Variants in AIRE observed in about 807,000 individuals in gnomAD.
AIRE encodes the protein autoimmune regulator, also known as autoimmune polyendocrinopathy candidiasis ectodermal dystrophy protein.
A neutral mutation model predicts 62.1 loss-of-function variants in AIRE; 52 were observed. That is an observed-to-expected ratio of 0.84 (90% CI 0.67 to 1.06). The LOEUF (loss-of-function observed/expected upper bound fraction) is 1.06. AIRE is among the 50% of genes least tolerant of loss of function. The probability of loss-of-function intolerance (pLI) is 0.00; values close to 1 mark genes in which losing one functional copy is unlikely to be tolerated. For missense variants in AIRE, 774 were observed against 755.8 expected, an observed-to-expected ratio of 1.02 and a Z score of -0.28; for synonymous variants, 342 against 321.6, an observed-to-expected ratio of 1.06 and a Z score of -0.68.
At chr21:44,292,640 C>T (rs750231309) in intron 9 of AIRE, among the ~76,000 whole-genome samples, 11 of 152,154 alleles carry the variant, frequency 7.2e-5, no homozygotes, top group East Asian at 1.9e-4. Context: ...GGGTCCACCC[C>T]GGGGGGCACT....
Position 44,287,397 on chromosome 21 carries a change from G to A in AIRE, c.464-120G>A. 1.3e-6 allele frequency: 1 copy of A among 754,898 alleles called. No individual in the cohort carries two copies. Among genetic ancestry groups the A allele is most frequent in the Non-Finnish European group, 2.2e-6 (1 of 449,544 alleles). 46.8% of individuals were successfully genotyped at this position (754,898 alleles called of 1,614,324 possible). A position where few individuals can be genotyped will look rare whatever the true frequency, so the allele number is the denominator to read the frequency against. On this transcript the variant is annotated intron_variant, in intron 3 of 13. Transcript: ENST00000291582. This position sits in a 1 kb window ranked among gnomAD's most constrained non-coding sequence, Gnocchi z 4.3. ...TTTACTGATGAGAAACCAGAGCCCGGCAAAGGGACTACCCAGCACTGGACC... is the reference window on the plus strand; with the variant it reads ...TTTACTGATGAGAAACCAGAGCCCGACAAAGGGACTACCCAGCACTGGACC...
intron 7 of AIRE, 81 bp from the exon 8 acceptor site, chr21:44,291,014 A>T (rs1174456643): frequency 6.2e-7 from 1 of 1,613,032 alleles, no homozygotes; most frequent in East Asian, 2.2e-5. Flanking sequence ...CTGCTGGGGG[A>T]GCTGTTTTGG....
rs751968210 is a variant in AIRE, at chr21:44,296,400, C to G, written c.1521C>G (p.His507Gln). 9 of 1,612,552 alleles carry G rather than the reference C, an allele frequency of 5.6e-6. No individual in the cohort carries two copies. The South Asian group carries it at 8.8e-5, about 16-fold the overall frequency. Residue 507 changes from histidine to glutamine, a missense_variant, in exon 13 of 14, where the codon CAC becomes CAG. Transcript: ENST00000291582. Reference sequence around the variant, plus strand: ...GGTTCCAGGATGACACTGCCAGTCACGAGCCCGCTCTGCACAGGGATGACC... The same window carrying G: ...GGTTCCAGGATGACACTGCCAGTCAGGAGCCCGCTCTGCACAGGGATGACC... ...PGPAKDDTAS[H>Q]EPALHRDDLE...
rs769454980 is a variant in AIRE, at chr21:44,290,032, C to T, written c.843C>T (p.Ala281=). 1.2e-5 allele frequency: 19 copies of T among 1,611,856 alleles called. No homozygotes were observed. Among genetic ancestry groups the T allele is most frequent in the Non-Finnish European group, 1.5e-5 (18 of 1,179,720 alleles). Residue 281 remains alanine (A), a synonymous_variant, in exon 7 of 14, where the codon GCC becomes GCT. Transcript: ENST00000291582. ...TGGGCCAGCAGGGCAGCGTTCCCGC[C>T]CCTCTGGCCCTCCCCAGTGACCCCC... ...ARLGQQGSVP[A]PLALPSDPQL...
rs759203576 is a variant in AIRE, at chr21:44,289,743, CGCA to C, written c.747_749del (p.Ser250del). On this transcript the variant is annotated inframe_deletion, in exon 6 of 14. Coordinates refer to ENST00000291582, the MANE Select transcript of AIRE (RefSeq NM_000383.4). ...CTCCGGCAGTGGGAAGAACAAGGCC[CGCA>C]GCAGCAGTGGCCCGAAGCCTCTGGT... 6.2e-7 allele frequency: 1 copy of C among 1,612,836 alleles called. No homozygotes were observed. The highest frequency in any genetic ancestry group is 2.2e-5 in the East Asian group (1 of 44,890).
rs991668836 is a variant in AIRE, at chr21:44,290,213, T to C, written c.879+145T>C. 6.7e-6 allele frequency: 10 copies of C among 1,491,164 alleles called. No individual in the cohort carries two copies. The South Asian group carries it at 7.9e-5, about 12-fold the overall frequency. 92.4% of individuals were successfully genotyped at this position (1,491,164 alleles called of 1,614,324 possible). A position where few individuals can be genotyped will look rare whatever the true frequency, so the allele number is the denominator to read the frequency against. On this transcript the variant is annotated intron_variant, in intron 7 of 13. Coordinates refer to ENST00000291582, the MANE Select transcript of AIRE (RefSeq NM_000383.4). ...ACAGGGTACAGCTCTTTTTCTTTAA[T>C]AGACAGTATTTTTTTCCTGATAATA...
At chr21:44,290,246 G>A in intron 7 of AIRE, 178 bp downstream of exon 7, 1 of 985,122 alleles carries the variant, frequency 1.0e-6, no homozygotes, top group Non-Finnish European at 1.2e-6. Context: ...ATACGCAATG[G>A]TAATAGTTTA....
Position 44,287,103 on chromosome 21 carries a change from G to T in AIRE, c.433G>T (p.Ala145Ser), listed in dbSNP as rs2040490187. ...SEEARAAAPA[A>S]LTPRGTASPG... ...AGAGGCTCGAGCTGCCGCGCCAGCA[G>T]CCCTGACTCCAAGGGGCACCGCCAG... The change falls in exon 3 of 14, where the codon GCC (alanine) becomes TCC (serine). Residue 145 changes from alanine (A) to serine (S), a missense_variant. By Grantham distance (99) the Ala-to-Ser change is moderately conservative (BLOSUM62 1). Transcript: ENST00000291582. The surrounding 1 kb of genome is among the most constrained non-coding windows in gnomAD (Gnocchi z 4.3). 6.2e-7 allele frequency: 1 copy of T among 1,612,444 alleles called. No individual in the cohort carries two copies. The highest frequency in any genetic ancestry group is 8.5e-7 in the Non-Finnish European group (1 of 1,179,938).
At chr21:44,296,517 C>CCAG in intron 13 of AIRE, 72 bp downstream of exon 13, 1 of 1,438,392 alleles carries the variant, frequency 7.0e-7, no homozygotes, top group Non-Finnish European at 9.8e-7. Flanking sequence ...CCAGGCTCCC[C>CCAG]ACTCTGGGGG....
rs1480626384 is a variant in AIRE at position 44,292,341 on chromosome 21, C to G, written c.1035C>G (p.Val345=). ...WRCSSCLQAT[V]QEVQPRAEEP... is the part of the protein sequence containing the mutation. ...GCTCCAGCTGCCTGCAGGCAACAGT[C>G]CAGGAGGTGCAGCCCCGGGCAGAGG... The change falls in exon 9 of 14, where the codon GTC becomes GTG. Residue 345 remains valine (V), a synonymous_variant. Transcript: ENST00000291582. The G allele has an allele frequency of 6.3e-7, 1 of 1,577,108 alleles. No homozygotes were observed.
Position 44,291,011 on chromosome 21 carries a change from G to T in AIRE, c.880-84G>T, listed in dbSNP as rs766896493. 2.5e-6 allele frequency: 4 copies of T among 1,613,414 alleles called. No individual in the cohort carries two copies. The African/African-American group carries it at 5.3e-5, about 22-fold the overall frequency. Reference sequence around the variant, plus strand: ...TTCAGGTACCCAGAGATGCTGCTGGGGGAGCTGTTTTGGGAAGGAGGTGGC... The same window carrying T: ...TTCAGGTACCCAGAGATGCTGCTGGTGGAGCTGTTTTGGGAAGGAGGTGGC... On this transcript the variant is annotated intron_variant, in intron 7 of 13. Transcript: ENST00000291582.
chr21:44,291,813 CCT>C (rs976521848), intron 8 of AIRE, among the ~76,000 whole-genome samples: 6 of 152,264 alleles, frequency 3.9e-5, no homozygotes, highest in Admixed American at 2.6e-4. Flanking sequence ...TGCCCCAGCC[CCT>C]GAGTGGCCGT....
rs1032998825 is a variant in AIRE, at chr21:44,297,822, G to A, written c.*95G>A. The A allele has an allele frequency of 8.3e-7, 1 of 1,198,440 alleles. No individual in the cohort carries two copies. The highest frequency in any genetic ancestry group is 1.5e-5 in the African/African-American group (1 of 66,130). 74.2% of individuals were successfully genotyped at this position (1,198,440 alleles called of 1,614,324 possible). ...GAAGCCGGCCGGCTGGGATCAAGAA[G>A]GGGACAGCGCCACCTCTTGTCAGTG... On this transcript the variant is annotated 3_prime_UTR_variant, in exon 14 of 14. Transcript: ENST00000291582. This position sits in a 1 kb window ranked among gnomAD's most constrained non-coding sequence, Gnocchi z 4.8.
intron 11 of AIRE, 80 bp from the exon 12 acceptor site, chr21:44,294,321 C>CCCACACA (rs1211211747): frequency 2.3e-6 from 2 of 877,506 alleles, no homozygotes; most frequent in Non-Finnish European, 3.5e-6. Context: ...ACCACCCACG[C>CCCACACA]CCACACCCCA....
At chr21:44,293,639 G>A in intron 10 of AIRE, 150 bp from the exon 11 acceptor site, 1 of 1,339,642 alleles carries the variant, frequency 7.5e-7, no homozygotes, top group South Asian at 1.4e-5. Context: ...CTGTCCTGCA[G>A]CCTGCGTGGC....
intron 7 of AIRE, chr21:44,290,791 C>CA (rs778368138): frequency 3.3e-6 from 5 of 1,503,276 alleles, no homozygotes; most frequent in Non-Finnish European, 4.5e-6. Context: ...CCCCACTGCC[C>CA]TGTGAGGAAG....
rs1478152009 is a variant in AIRE, at chr21:44,289,826, G to A, written c.798+24G>A. 5 of 1,612,028 alleles carry A rather than the reference G, an allele frequency of 3.1e-6. 1 individual carries two copies. In the African/African-American group the frequency reaches 4.0e-5, roughly 13 times the overall value. On this transcript the variant is annotated intron_variant, in intron 6 of 13. Coordinates refer to ENST00000291582, the MANE Select transcript of AIRE (RefSeq NM_000383.4). ...CCGTAAGCACCTGACCTTCCCTGGG[G>A]AGCCTGGCTCTTGATGCCCCCCGCC...
chr21:44,293,120 G>C lies in AIRE; in HGVS notation c.1223G>C (p.Gly408Ala), dbSNP rs751963717. 13 of 1,602,312 alleles carry C rather than the reference G, an allele frequency of 8.1e-6. No individual in the cohort carries two copies. Among genetic ancestry groups the C allele is most frequent in the Admixed American group, 1.7e-5 (1 of 58,464 alleles). ...CCGCCTTCTGCAGCCCCGCTGCCAG[G>C]GCTGGACTCCTCGGCCCTGCACCCC... ...PAPPSAAPLP[G>A]LDSSALHPLL... is the part of the protein sequence containing the mutation. The change falls in exon 10 of 14, where the codon GGG (glycine) becomes GCG (alanine). Residue 408 changes from glycine (G) to alanine (A), a missense_variant. Coordinates refer to ENST00000291582, the MANE Select transcript of AIRE (RefSeq NM_000383.4).
chr21:44,291,216 CCTGCACCT>C lies in AIRE; in HGVS notation c.995+11_995+18del. On this transcript the variant is annotated splice_region_variant and intron_variant, in intron 8 of 13. Transcript: ENST00000291582. Reference sequence around the variant, plus strand: ...CCGCTCCGGGAGATCCCCAGGTGAGCCTGCACCTCTGCCAGCGCAACCAGGCCACCCCG... The same window carrying C: ...CCGCTCCGGGAGATCCCCAGGTGAGCCTGCCAGCGCAACCAGGCCACCCCG... 2 of 1,599,574 alleles carry C rather than the reference CCTGCACCT, an allele frequency of 1.3e-6. No homozygotes were observed. The highest frequency in any genetic ancestry group is 2.2e-5 in the South Asian group (2 of 90,998).
Sources: allele counts gnomAD v4.1 joint callset (sites outside exome capture counted in the v4.1 genomes callset), GRCh38; gene constraint gnomAD v4.1.1; non-coding constraint Gnocchi (gnomAD v3.1); transcripts MANE v1.5; gene names NCBI Gene and HGNC (gene_info 2026-07-23, HGNC 2026-07-21).